Variants in GRIK3 observed in about 807,000 individuals in gnomAD.
GRIK3 encodes the protein glutamate ionotropic receptor kainate type subunit 3, also known as glutamate receptor ionotropic, kainate 3.
Under a neutral mutation model 102.5 loss-of-function variants are expected in GRIK3, and 29 were observed. That is an observed-to-expected ratio of 0.28 (90% CI 0.21 to 0.39). The LOEUF is 0.39. Among genes scored for constraint, GRIK3 ranks in the 10% least tolerant of loss-of-function variants. GRIK3 has a pLI of 1.00. For missense variants in GRIK3, 908 were observed against 1,252.4 expected, an observed-to-expected ratio of 0.73 and a Z score of 4.15; for synonymous variants, 511 against 504.9, an observed-to-expected ratio of 1.01 and a Z score of -0.16.
chr1:37,003,385 A>G (rs1268140826), intron 1 of GRIK3, among the ~76,000 whole-genome samples: 1 of 152,162 alleles, frequency 6.6e-6, no homozygotes, highest in Non-Finnish European at 1.5e-5. Context: ...AGACACTACT[A>G]TGAAACATTA....
chr1:36,887,763 A>ATATAT (rs1388747392), intron 2 of GRIK3, among the ~76,000 whole-genome samples: 1 of 98,050 alleles, frequency 1.0e-5, no homozygotes, highest in African/African-American at 5.3e-5. Flanking sequence ...TCTCAAAAAA[A>ATATAT]AAAAAAAAAT....
intron 2 of GRIK3, among the ~76,000 whole-genome samples, chr1:36,884,152 C>T (rs1050963940): frequency 2.0e-5 from 3 of 152,166 alleles, no homozygotes; most frequent in Admixed American, 2.0e-4. Flanking sequence ...ATGGCATCCT[C>T]CTGGTGCTTC....
chr1:37,034,031 G>A lies in GRIK3; in HGVS notation c.78C>T (p.Ile26=). Residue 26 remains isoleucine (I), a synonymous_variant, in exon 1 of 16, where the codon ATC becomes ATT. Transcript: ENST00000373091. ...WAGLLVCAFW[I]PDSRGMPHVI... ...CGTGGGGCATCCCGCGCGAGTCCGGGATCCAGAAGGCGCACACGAGGAGCC... is the reference window on the plus strand; with the variant it reads ...CGTGGGGCATCCCGCGCGAGTCCGGAATCCAGAAGGCGCACACGAGGAGCC... 6.2e-7 allele frequency: 1 copy of A among 1,605,836 alleles called. No homozygotes were observed. The highest frequency in any genetic ancestry group is 8.5e-7 in the Non-Finnish European group (1 of 1,176,716).
chr1:36,946,281 G>T (rs1488545180), intron 1 of GRIK3, among the ~76,000 whole-genome samples: 1 of 152,236 alleles, frequency 6.6e-6, no homozygotes, highest in African/African-American at 2.4e-5. Context: ...ACCGGCCCTT[G>T]GTCTATGTGA....
At position 36,939,240 on chromosome 1, in the gene GRIK3, C is replaced by T. The variant is rs1258260342; in HGVS notation, c.116-48144G>A. Among the ~76,000 whole-genome samples the T allele has an allele frequency of 2.6e-5, 4 of 152,330 alleles. No individual in the cohort carries two copies. In the East Asian group the frequency reaches 7.7e-4, roughly 29 times the overall value. On this transcript the variant is annotated intron_variant, in intron 1 of 15. Coordinates refer to ENST00000373091, the MANE Select transcript of GRIK3 (RefSeq NM_000831.4). ...AGGGAGCGGGGCGGAGAGGTGCAGC[C>T]CCCAAGGGGAGTAGCAACATCAGAA...
intron 1 of GRIK3, among the ~76,000 whole-genome samples, chr1:36,962,935 G>T (rs1346801148): frequency 6.6e-6 from 1 of 151,434 alleles, no homozygotes; most frequent in Non-Finnish European, 1.5e-5. Flanking sequence ...AATCTAGAGG[G>T]ACATGATGAG....
At chr1:36,997,054 G>C (rs1557457160) in intron 1 of GRIK3, among the ~76,000 whole-genome samples, 1 of 152,176 alleles carries the variant, frequency 6.6e-6, no homozygotes, top group Non-Finnish European at 1.5e-5. Flanking sequence ...TGGTTCTAGG[G>C]ACAGCCAGAA....
intron 1 of GRIK3, among the ~76,000 whole-genome samples, chr1:36,940,368 G>A (rs532893372): frequency 6.6e-6 from 1 of 152,306 alleles, no homozygotes; most frequent in East Asian, 1.9e-4. Flanking sequence ...TGTCTCTATT[G>A]CATCTGATAC....
intron 1 of GRIK3, among the ~76,000 whole-genome samples, chr1:36,993,022 A>G (rs1642379294): frequency 6.6e-6 from 1 of 152,148 alleles, no homozygotes; most frequent in Non-Finnish European, 1.5e-5. Flanking sequence ...TGGAAGTTTT[A>G]GAAACATCAG....
intron 13 of GRIK3, among the ~76,000 whole-genome samples, chr1:36,807,575 C>T (rs1395836411): frequency 1.3e-5 from 2 of 152,150 alleles, no homozygotes; most frequent in African/African-American, 2.4e-5. Flanking sequence ...GGGGAAGAAG[C>T]CATGCCTGCT....
At chr1:36,958,403 G>A (rs1392498238) in intron 1 of GRIK3, among the ~76,000 whole-genome samples, 1 of 100,332 alleles carries the variant, frequency 1.0e-5, no homozygotes, top group African/African-American at 5.0e-5. Context: ...CTGTGAGCCT[G>A]TGTGCCCCGT....
rs1471165786 is a variant in GRIK3, at chr1:36,869,121, C to T, written c.786+627G>A. Among the ~76,000 whole-genome samples the T allele has an allele frequency of 4.6e-5, 7 of 152,188 alleles. No homozygotes were observed. The East Asian group carries it at 1.3e-3, about 29-fold the overall frequency. ...CTTTTGGCACAGGAATCTCTTTATT[C>T]TGCTGAACTCAGGCCACAGCTAATT... On this transcript the variant is annotated intron_variant, in intron 5 of 15. Transcript: ENST00000373091.
chr1:36,796,345 TG>T lies in GRIK3; in HGVS notation c.*5505del, dbSNP rs1383853750. 1.3e-5 allele frequency: 2 copies of T among 152,238 alleles called. No homozygotes were observed. Among genetic ancestry groups the T allele is most frequent in the African/African-American group, 4.8e-5 (2 of 41,442 alleles). 9.4% of individuals were successfully genotyped at this position (152,238 alleles called of 1,614,324 possible). On this transcript the variant is annotated 3_prime_UTR_variant, in exon 16 of 16. Coordinates refer to ENST00000373091, the MANE Select transcript of GRIK3 (RefSeq NM_000831.4). Reference sequence around the variant, plus strand: ...GAGAGAAAGGCAGACAGATGGAGCCTGGGCTGTGCTAGGATAGGAGCTACCT... The same window carrying T: ...GAGAGAAAGGCAGACAGATGGAGCCTGGCTGTGCTAGGATAGGAGCTACCT...
At chr1:36,995,138 G>A (rs1408825134) in intron 1 of GRIK3, among the ~76,000 whole-genome samples, 2 of 152,162 alleles carry the variant, frequency 1.3e-5, no homozygotes, top group African/African-American at 4.8e-5. Context: ...TGCAAATGTT[G>A]CTGCTGTCAT....
At chr1:36,825,330 A>T (rs1642743709) in intron 11 of GRIK3, among the ~76,000 whole-genome samples, 1 of 152,114 alleles carries the variant, frequency 6.6e-6, no homozygotes, top group African/African-American at 2.4e-5. Flanking sequence ...GAGCCTGCCA[A>T]TGGGACCTGA....
At chr1:36,963,445 G>A (rs1448174638) in intron 1 of GRIK3, among the ~76,000 whole-genome samples, 2 of 152,124 alleles carry the variant, frequency 1.3e-5, no homozygotes, top group Non-Finnish European at 2.9e-5. Context: ...TAATAACTAC[G>A]ATGGAGAGGA....
At chr1:36,910,594 A>G (rs894183015) in intron 1 of GRIK3, among the ~76,000 whole-genome samples, 45 of 152,292 alleles carry the variant, frequency 3.0e-4, no homozygotes, top group Admixed American at 2.3e-3. Context: ...GGGACAAGTC[A>G]GTTGCTTCCC....
In GRIK3 at chr1:36,891,984, C is replaced by A. The variant is rs1392743; in HGVS notation, c.116-888G>T. On this transcript the variant is annotated intron_variant, in intron 1 of 15. Transcript: ENST00000373091. ...AAACATTAAATAACTAATAATAAACCAAATGAGAAGTGTGCAGTTCCAGTT... is the reference window on the plus strand; with the variant it reads ...AAACATTAAATAACTAATAATAAACAAAATGAGAAGTGTGCAGTTCCAGTT... Among the ~76,000 whole-genome samples the A allele has an allele frequency of 4.6e-5, 7 of 152,188 alleles. No individual in the cohort carries two copies. The East Asian group carries it at 5.8e-4, about 13-fold the overall frequency.
intron 1 of GRIK3, among the ~76,000 whole-genome samples, chr1:36,937,383 A>T (rs1360861622): frequency 6.6e-6 from 1 of 152,224 alleles, no homozygotes; most frequent in East Asian, 1.9e-4. Context: ...TGTACTCTGC[A>T]TGCAAGGATG....
Sources: allele counts gnomAD v4.1 joint callset (sites outside exome capture counted in the v4.1 genomes callset), GRCh38; gene constraint gnomAD v4.1.1; transcripts MANE v1.5; gene names NCBI Gene and HGNC (gene_info 2026-07-23, HGNC 2026-07-21).